TMEM178B: variants seen among roughly 807,000 people sequenced by gnomAD.
TMEM178B encodes the protein transmembrane protein 178B.
A neutral mutation model predicts 31.0 loss-of-function variants in TMEM178B; 5 were observed. That is an observed-to-expected ratio of 0.16 (90% confidence interval 0.08 to 0.34). The LOEUF is 0.34. Ranked by LOEUF, TMEM178B falls within the 10% of genes least tolerant of loss-of-function variation. The probability of loss-of-function intolerance (pLI) is 1.00; values close to 1 mark genes in which losing one functional copy is unlikely to be tolerated. For missense variants in TMEM178B, 275 were observed against 400.3 expected, an observed-to-expected ratio of 0.69 and a Z score of 2.67; for synonymous variants, 164 against 164.0, an observed-to-expected ratio of 1.00 and a Z score of 0.00.
At chr7:141,285,729 G>T (rs938253189) in intron 2 of TMEM178B, among the ~76,000 whole-genome samples, 6 of 152,172 alleles carry the variant, frequency 3.9e-5, no homozygotes, top group African/African-American at 1.4e-4. Context: ...TAAAGAAAAT[G>T]TGGCACATAT....
intron 2 of TMEM178B, among the ~76,000 whole-genome samples, chr7:141,287,710 T>C (rs1326424164): frequency 2.6e-5 from 4 of 152,220 alleles, no homozygotes; most frequent in Non-Finnish European, 5.9e-5. Flanking sequence ...TCCCCAGACA[T>C]GGACCTGTGA....
the TMEM178B span, among the ~76,000 whole-genome samples, chr7:141,500,222 C>T: frequency 1.3e-5 from 2 of 152,084 alleles, no homozygotes; most frequent in African/African-American, 4.8e-5. Flanking sequence ...TTCAGGGATA[C>T]ACAAGATACG....
intron 1 of TMEM178B, among the ~76,000 whole-genome samples, chr7:141,161,670 G>A (rs150029205): frequency 1.5e-4 from 23 of 152,282 alleles, no homozygotes; most frequent in East Asian, 5.8e-4. Flanking sequence ...GGGCCTGGGC[G>A]TGGGTGCCTG....
At position 141,366,198 on chromosome 7, in the gene TMEM178B, G is replaced by A. The variant is rs1025220835; in HGVS notation, c.497-71410G>A. Among the ~76,000 whole-genome samples, 5 of 152,130 alleles carry A rather than the reference G, an allele frequency of 3.3e-5. No homozygotes were observed. In the East Asian group the frequency reaches 5.8e-4, roughly 18 times the overall value. On this transcript the variant is annotated intron_variant, in intron 2 of 3. Coordinates refer to ENST00000565468, the MANE Select transcript of TMEM178B (RefSeq NM_001195278.2). ...TTGTAGCATTTATTATTAATAACCTGTTTACTGGATCCCTGGAGACCAAAG... is the reference window on the plus strand; with the variant it reads ...TTGTAGCATTTATTATTAATAACCTATTTACTGGATCCCTGGAGACCAAAG...
At chr7:141,437,057 G>A (rs1463853897) in intron 2 of TMEM178B, among the ~76,000 whole-genome samples, 1 of 152,156 alleles carries the variant, frequency 6.6e-6, no homozygotes, top group African/African-American at 2.4e-5. Flanking sequence ...CCCCCATGCT[G>A]TTAGCTTTCC....
chr7:141,502,667 G>C, the TMEM178B span, among the ~76,000 whole-genome samples: 1 of 152,102 alleles, frequency 6.6e-6, no homozygotes, highest in Non-Finnish European at 1.5e-5. Flanking sequence ...CTATTCGGGA[G>C]GCTGAGGCAG....
chr7:141,330,448 C>G (rs148279071), intron 2 of TMEM178B, among the ~76,000 whole-genome samples: 3,847 of 152,312 alleles, frequency 0.025, 60 homozygotes, highest in Middle Eastern at 0.054. Context: ...CTGCAAAGGA[C>G]ATGATCTCAT....
intron 1 of TMEM178B, among the ~76,000 whole-genome samples, chr7:141,188,933 G>T (rs1177809243): frequency 1.3e-5 from 2 of 152,232 alleles, no homozygotes; most frequent in Non-Finnish European, 2.9e-5. Flanking sequence ...CCTGAATCCA[G>T]CCGCCTGAGG....
chr7:141,465,119 A>G (rs1802127836), intron 3 of TMEM178B, among the ~76,000 whole-genome samples: 1 of 152,226 alleles, frequency 6.6e-6, no homozygotes, highest in Admixed American at 6.5e-5. Context: ...TTAGCCCCAG[A>G]GGCCATGGTC....
At position 141,469,615 on chromosome 7, in the gene TMEM178B, T is replaced by C. The variant is rs1170050193; in HGVS notation, c.635-921T>C. Among the ~76,000 whole-genome samples, 3 of 152,328 alleles carry C rather than the reference T, an allele frequency of 2.0e-5. No homozygotes were observed. In the East Asian group the frequency reaches 5.8e-4, roughly 29 times the overall value. On this transcript the variant is annotated intron_variant, in intron 3 of 3. Transcript: ENST00000565468. ...AACTATACATCCTTCTTCTGCTCATTGCTCTCATATCAGTGGTTACATAAA... is the reference window on the plus strand; with the variant it reads ...AACTATACATCCTTCTTCTGCTCATCGCTCTCATATCAGTGGTTACATAAA...
At chr7:141,212,813 A>G in intron 2 of TMEM178B, 109 bp downstream of exon 2, 1 of 848,194 alleles carries the variant, frequency 1.2e-6, no homozygotes, top group Non-Finnish European at 1.8e-6. Flanking sequence ...GTCTCAGAAC[A>G]TTGAGATGGT....
the TMEM178B span, among the ~76,000 whole-genome samples, chr7:141,492,321 CCTT>C: frequency 2.0e-5 from 3 of 152,192 alleles, no homozygotes; most frequent in Non-Finnish European, 2.9e-5. Flanking sequence ...AAAAGTAAAT[CCTT>C]CTCTCTTAGT....
intron 2 of TMEM178B, among the ~76,000 whole-genome samples, chr7:141,272,750 A>C (rs1365602779): frequency 6.6e-6 from 1 of 152,232 alleles, no homozygotes; most frequent in Non-Finnish European, 1.5e-5. Flanking sequence ...GCTTTTAAAC[A>C]TGACTTGCGG....
chr7:141,404,254 G>A (rs1309471486), intron 2 of TMEM178B, among the ~76,000 whole-genome samples: 2 of 152,182 alleles, frequency 1.3e-5, no homozygotes, highest in Non-Finnish European at 1.5e-5. Context: ...GCAATGAGCC[G>A]AGATCATGCT....
At chr7:141,352,546 T>A (rs1466414621) in intron 2 of TMEM178B, 1 of 151,934 alleles carries the variant, frequency 6.6e-6, no homozygotes, top group African/African-American at 2.4e-5. Context: ...GCCCCACTAA[T>A]TTTTTTTGTA....
At chr7:141,469,892 G>A (rs936658914) in intron 3 of TMEM178B, among the ~76,000 whole-genome samples, 8 of 152,170 alleles carry the variant, frequency 5.3e-5, no homozygotes, top group Admixed American at 3.9e-4. Flanking sequence ...TGGATGATGC[G>A]TGTTCATGGG....
At chr7:141,361,547 C>T (rs1209782878) in intron 2 of TMEM178B, among the ~76,000 whole-genome samples, 2 of 152,142 alleles carry the variant, frequency 1.3e-5, no homozygotes, top group Non-Finnish European at 2.9e-5. Flanking sequence ...ATCTATGTTT[C>T]TGATCTCTTT....
intron 1 of TMEM178B, among the ~76,000 whole-genome samples, chr7:141,159,761 G>A (rs1563103477): frequency 6.6e-6 from 1 of 152,002 alleles, no homozygotes; most frequent in Non-Finnish European, 1.5e-5. Context: ...TACTTAGAAT[G>A]GACAAATTCA....
chr7:141,209,663 A>C (rs1052206538), intron 1 of TMEM178B, among the ~76,000 whole-genome samples: 1 of 152,156 alleles, frequency 6.6e-6, no homozygotes, highest in Non-Finnish European at 1.5e-5. Flanking sequence ...ATCACAGTGC[A>C]GGAGTGTGTT....
Sources: gnomAD v4.1 joint callset for allele counts (sites outside exome capture counted in the v4.1 genomes callset) on GRCh38, gnomAD v4.1.1 for gene constraint, MANE v1.5 for transcripts, NCBI Gene and HGNC (gene_info 2026-07-23, HGNC 2026-07-21) for gene names.